The following TLR3 variants were observed in gnomAD, a reference collection of about 807,000 sequenced individuals.
TLR3 encodes the protein toll like receptor 3.
TLR3 carries 43 observed loss-of-function variants against 66.4 expected under a neutral mutation model. The ratio of observed to expected loss-of-function variants is 0.65; its 90% CI spans 0.51 to 0.83. The LOEUF is 0.83. TLR3 is among the 40% of genes least tolerant of loss of function. TLR3 has a pLI of 0.00. For missense variants in TLR3, 982 were observed against 1,044.6 expected, an observed-to-expected ratio of 0.94 and a Z score of 0.83; for synonymous variants, 397 against 397.2, an observed-to-expected ratio of 1.00 and a Z score of 0.01.
At chr4:186,075,308 A>G (rs951123001) in intron 1 of TLR3, among the ~76,000 whole-genome samples, 5 of 152,106 alleles carry the variant, frequency 3.3e-5, no homozygotes, top group Non-Finnish European at 7.4e-5. Flanking sequence ...TGCAGTGACT[A>G]TTTATTTATA....
chr4:186,073,232 T>C (rs1404874955), intron 1 of TLR3, among the ~76,000 whole-genome samples: 2 of 152,226 alleles, frequency 1.3e-5, no homozygotes, highest in African/African-American at 2.4e-5. Flanking sequence ...AAAAATGGTC[T>C]GACTGGACCA....
chr4:186,073,977 C>T (rs986054369), intron 1 of TLR3, among the ~76,000 whole-genome samples: 6 of 152,092 alleles, frequency 3.9e-5, no homozygotes, highest in African/African-American at 1.2e-4. Flanking sequence ...TATCGTTAGT[C>T]GGCAGGGAAA....
Position 186,083,421 on chromosome 4 carries a change from G to T in TLR3, c.1735G>T (p.Val579Phe), listed in dbSNP as rs751583950. The stretch of plus-strand genomic sequence containing the variant: ...GTCCAACGGCTTTGACGAGATCCCA[G>T]TTGAGGTCTTCAAGGATTTATTTGA... ...LESNGFDEIP[V>F]EVFKDLFELK... The change falls in exon 4 of 5, where the codon GTT becomes TTT. Residue 579 changes from valine to phenylalanine, a missense_variant. Coordinates refer to ENST00000296795, the MANE Select transcript of TLR3 (RefSeq NM_003265.3). The surrounding 1 kb of genome is among the most constrained non-coding windows in gnomAD (Gnocchi z 4.0). 6.2e-7 allele frequency: 1 copy of T among 1,613,842 alleles called. No individual in the cohort carries two copies. The highest frequency in any genetic ancestry group is 8.5e-7 in the Non-Finnish European group (1 of 1,179,824).
Position 186,077,035 on chromosome 4 carries a change from A to G in TLR3, c.416A>G (p.Lys139Arg). Residue 139 changes from lysine to arginine, a missense_variant, in exon 2 of 5, where the codon AAA becomes AGA. This residue lies in a region of TLR3 where 313 missense variants were observed against 319.0 expected (regional missense o/e 0.98). Transcript: ENST00000296795. ...ATGTCCAACTCAATCCAGAAAATTA[A>G]AAATAATCCCTTTGTCAAGCAGAAG... ...HLMSNSIQKIKNNPFVKQKNL... is the reference protein window; with the variant it reads ...HLMSNSIQKIRNNPFVKQKNL... The G allele has an allele frequency of 6.2e-7, 1 of 1,614,128 alleles. No homozygotes were observed. Among genetic ancestry groups the G allele is most frequent in the East Asian group, 2.2e-5 (1 of 44,878 alleles).
chr4:186,070,318 T>C (rs2099301220), intron 1 of TLR3, among the ~76,000 whole-genome samples: 1 of 152,194 alleles, frequency 6.6e-6, no homozygotes, highest in Non-Finnish European at 1.5e-5. Context: ...ACTTATACCT[T>C]TTTATTTAGT....
intron 1 of TLR3, among the ~76,000 whole-genome samples, chr4:186,072,332 G>A (rs1372762916): frequency 1.3e-5 from 2 of 152,094 alleles, no homozygotes; most frequent in East Asian, 3.9e-4. Context: ...GGGGAGTGGG[G>A]GCGAAGTCTC....
chr4:186,083,693 T>C lies in TLR3; in HGVS notation c.2007T>C (p.Pro669=), dbSNP rs1383149614. 3.7e-6 allele frequency: 6 copies of C among 1,601,956 alleles called. No individual in the cohort carries two copies. The highest frequency in any genetic ancestry group is 5.1e-6 in the Non-Finnish European group (6 of 1,173,762). The change falls in exon 4 of 5, where the codon CCT becomes CCC. Residue 669 remains proline, a synonymous_variant. Transcript: ENST00000296795. This position sits in a 1 kb window ranked among gnomAD's most constrained non-coding sequence, Gnocchi z 4.0. The part of the protein sequence containing the change: ...NWINETHTNI[P]ELSSHYLCNT... Reference sequence around the variant, plus strand: ...TTAACGAGACCCATACCAACATCCCTGAGCTGTCAAGCCACTACCTTTGCA... The same window carrying C: ...TTAACGAGACCCATACCAACATCCCCGAGCTGTCAAGCCACTACCTTTGCA...
At chr4:186,071,467 G>A (rs927064833) in intron 1 of TLR3, among the ~76,000 whole-genome samples, 15 of 152,340 alleles carry the variant, frequency 9.8e-5, no homozygotes, top group Non-Finnish European at 2.1e-4. Context: ...CTCAGAGAGG[G>A]GGCAGGTGGG....
rs2099303704 is a variant in TLR3, at chr4:186,082,471, C to T, written c.785C>T (p.Thr262Ile). 6.2e-7 allele frequency: 1 copy of T among 1,614,158 alleles called. No homozygotes were observed. Among genetic ancestry groups the T allele is most frequent in the African/African-American group, 1.3e-5 (1 of 75,044 alleles). ...NLSLSNSQLSTTSNTTFLGLK... is the reference protein window; with the variant it reads ...NLSLSNSQLSITSNTTFLGLK... The stretch of plus-strand genomic sequence containing the variant: ...TCTCTGAGTAACAGCCAGCTGTCCA[C>T]CACCAGCAATACAACTTTCTTGGGA... Residue 262 changes from threonine to isoleucine, a missense_variant, in exon 4 of 5, where the codon ACC becomes ATC. Coordinates refer to ENST00000296795, the MANE Select transcript of TLR3 (RefSeq NM_003265.3).
At chr4:186,071,125 A>G (rs374194139) in intron 1 of TLR3, among the ~76,000 whole-genome samples, 2 of 152,204 alleles carry the variant, frequency 1.3e-5, no homozygotes. Context: ...TTCTTTGGAA[A>G]TGAAGGTTTT....
intron 3 of TLR3, chr4:186,081,514 A>T (rs1401097048): frequency 6.6e-6 from 1 of 152,532 alleles, no homozygotes; most frequent in East Asian, 1.9e-4. Context: ...CGAGAGGGAG[A>T]GCTAGAGCTC....
chr4:186,083,460 G>C lies in TLR3; in HGVS notation c.1774G>C (p.Asp592His). The change falls in exon 4 of 5, where the codon GAT becomes CAT. Residue 592 changes from aspartate to histidine, a missense_variant. Asp to His is a moderately conservative substitution (Grantham distance 81). This residue lies in a region of TLR3 where 666 missense variants were observed against 709.0 expected (regional missense o/e 0.94). Transcript: ENST00000296795. This position sits in a 1 kb window ranked among gnomAD's most constrained non-coding sequence, Gnocchi z 4.0. ...GGATTTATTTGAACTAAAGATCATC[G>C]ATTTAGGATTGAATAATTTAAACAC... is the stretch of plus-strand genomic sequence containing the variant. Reference protein sequence around the residue: ...FKDLFELKIIDLGLNNLNTLP... With the variant: ...FKDLFELKIIHLGLNNLNTLP... 6.2e-7 allele frequency: 1 copy of C among 1,609,404 alleles called. No individual in the cohort carries two copies. The highest frequency in any genetic ancestry group is 8.5e-7 in the Non-Finnish European group (1 of 1,177,156).
At position 186,076,762 on chromosome 4, in the gene TLR3, A is replaced by T. The variant is rs1047312739; in HGVS notation, c.143A>T (p.Asp48Val). ...CTGAAGTTGACTCAGGTACCCGATG[A>T]TCTACCCACAAACATAACAGTGTTG... The part of the protein sequence containing the change: ...SHLKLTQVPD[D>V]LPTNITVLNL... The change falls in exon 2 of 5, where the codon GAT becomes GTT. Residue 48 changes from aspartate to valine, a missense_variant. By Grantham distance (152) the Asp-to-Val change is radical (BLOSUM62 -3). Around this residue, in one of 3 missense-constraint regions of TLR3, gnomAD observed 313 missense variants for 319.0 expected, o/e 0.98. Coordinates refer to ENST00000296795, the MANE Select transcript of TLR3 (RefSeq NM_003265.3). 6.2e-7 allele frequency: 1 copy of T among 1,614,032 alleles called. No individual in the cohort carries two copies. The highest frequency in any genetic ancestry group is 1.3e-5 in the African/African-American group (1 of 74,914).
At chr4:186,073,754 A>G (rs1473308605) in intron 1 of TLR3, among the ~76,000 whole-genome samples, 1 of 152,178 alleles carries the variant, frequency 6.6e-6, no homozygotes, top group Non-Finnish European at 1.5e-5. Flanking sequence ...AGATTTCATC[A>G]TAATTAAGAA....
chr4:186,078,814 A>G lies in TLR3; in HGVS notation c.442-26A>G, dbSNP rs763150222. The G allele has an allele frequency of 1.1e-5, 17 of 1,595,762 alleles. No individual in the cohort carries two copies. In the African/African-American group the frequency reaches 1.6e-4, roughly 15 times the overall value. ...CTGTTTTTGACAGCAAGACTCTAAC[A>G]TATGCATATTATTTTTTCCCTTCAG... On this transcript the variant is annotated intron_variant, in intron 2 of 4. Transcript: ENST00000296795.
chr4:186,077,981 A>C (rs1379381491), intron 2 of TLR3, among the ~76,000 whole-genome samples: 1 of 152,180 alleles, frequency 6.6e-6, no homozygotes, highest in African/African-American at 2.4e-5. Flanking sequence ...TAATGTACAA[A>C]TGTAAATATG....
At chr4:186,084,225 C>CTT (rs141759307) in intron 4 of TLR3, 53 bp downstream of exon 4, 16,707 of 1,304,212 alleles carry the variant, frequency 0.013, 43 homozygotes, top group South Asian at 0.023. Flanking sequence ...AATTAAATTT[C>CTT]TTTTTTTTTT....
intron 2 of TLR3, 108 bp downstream of exon 2, chr4:186,077,168 C>A: frequency 8.7e-7 from 1 of 1,153,210 alleles, no homozygotes; most frequent in Non-Finnish European, 1.2e-6. Context: ...TGATCTAATC[C>A]AATTTGCCAC....
Position 186,082,379 on chromosome 4 carries a change from C to A in TLR3, c.693C>A (p.Val231=). The A allele has an allele frequency of 3.1e-6, 5 of 1,614,014 alleles. No individual in the cohort carries two copies. Among genetic ancestry groups the A allele is most frequent in the Non-Finnish European group, 4.2e-6 (5 of 1,180,010 alleles). Residue 231 remains valine (V), a synonymous_variant, in exon 4 of 5, where the codon GTC becomes GTA. Transcript: ENST00000296795. The part of the protein sequence containing the change: ...GRLFGLFLNN[V]QLGPSLTEKL... Reference sequence around the variant, plus strand: ...TATTTGGCCTCTTTCTGAACAATGTCCAGCTGGGTCCCAGCCTTACAGAGA... The same window carrying A: ...TATTTGGCCTCTTTCTGAACAATGTACAGCTGGGTCCCAGCCTTACAGAGA...
Sources: gnomAD v4.1 joint callset for allele counts (sites outside exome capture counted in the v4.1 genomes callset) on GRCh38, gnomAD v4.1.1 for gene constraint, gnomAD v4.1.1 regional missense constraint, Gnocchi (gnomAD v3.1) non-coding constraint, MANE v1.5 for transcripts, NCBI Gene and HGNC (gene_info 2026-07-23, HGNC 2026-07-21) for gene names.